Variants in SYNJ2 observed in about 807,000 individuals in gnomAD.
SYNJ2 encodes synaptojanin 2.
Under a neutral mutation model 141.3 loss-of-function variants are expected in SYNJ2, and 116 were observed. The observed-to-expected ratio is 0.82, with a 90% confidence interval of 0.71 to 0.96. The LOEUF is 0.96. SYNJ2 is among the 40% of genes least tolerant of loss of function. SYNJ2 has a pLI of 0.00. For synonymous variants in SYNJ2, 745 were observed against 777.7 expected (o/e 0.96, Z 0.70); for missense variants, 1,873 against 1,934.8 (o/e 0.97, Z 0.60).
At chr6:158,088,244 A>G (rs1783209322) in intron 23 of SYNJ2, among the ~76,000 whole-genome samples, 1 of 151,136 alleles carries the variant, frequency 6.6e-6, no homozygotes, top group African/African-American at 2.4e-5. Flanking sequence ...TCATTTATTT[A>G]TTTATTTTGT....
rs1781954257 is a variant in SYNJ2, at chr6:158,071,928, G to GGGGAGA, written c.2133+138_2133+143dup. The GGGGAGA allele has an allele frequency of 9.3e-7, 1 of 1,071,616 alleles. No individual in the cohort carries two copies. The highest frequency in any genetic ancestry group is 1.6e-5 in the African/African-American group (1 of 62,612). 66.4% of individuals were successfully genotyped at this position (1,071,616 alleles called of 1,614,324 possible). A position where few individuals can be genotyped will look rare whatever the true frequency, so the allele number is the denominator to read the frequency against. On this transcript the variant is annotated intron_variant, in intron 15 of 26. Coordinates refer to ENST00000355585, the MANE Select transcript of SYNJ2 (RefSeq NM_003898.4). This position sits in a 1 kb window ranked among gnomAD's most constrained non-coding sequence, Gnocchi z 4.3. Reference sequence around the variant, plus strand: ...CCTGGAGGGCTCAGCGCTGGGGGAGGGGGAGAGGGCTATGTCCCTCCATGG... The same window carrying GGGGAGA: ...CCTGGAGGGCTCAGCGCTGGGGGAGGGGGAGAGGGAGAGGGCTATGTCCCTCCATGG...
intron 13 of SYNJ2, 138 bp downstream of exon 13, chr6:158,068,866 C>A: frequency 2.4e-6 from 2 of 837,528 alleles, no homozygotes; most frequent in South Asian, 1.6e-5. Flanking sequence ...GTGGGGATCT[C>A]TCACCTGGCT....
In SYNJ2 at chr6:158,063,434, G is replaced by A. The variant is rs1781345154; in HGVS notation, c.1128-357G>A. ...CCAGCACTTTGGAAGGCTGAGGTGG[G>A]CGGATCACAAGGTCAGGAGTTCGAG... On this transcript the variant is annotated intron_variant, in intron 8 of 26. Transcript: ENST00000355585. 2.0e-5 allele frequency among the ~76,000 whole-genome samples: 3 copies of A among 152,076 alleles called. No homozygotes were observed. The South Asian group carries it at 6.2e-4, about 32-fold the overall frequency.
chr6:158,042,327 C>T (rs75668816), intron 4 of SYNJ2, among the ~76,000 whole-genome samples: 6,339 of 152,298 alleles, frequency 0.042, 399 homozygotes, highest in African/African-American at 0.14. Context: ...ATTCCTGTGG[C>T]CCAGGGAAAC....
intron 3 of SYNJ2, 35 bp downstream of exon 3, chr6:158,029,061 T>C: frequency 6.2e-7 from 1 of 1,607,576 alleles, no homozygotes; most frequent in Non-Finnish European, 8.5e-7. Context: ...GGGTGGGCCC[T>C]GGGTCTCCTG....
intron 12 of SYNJ2, 58 bp downstream of exon 12, chr6:158,066,693 C>T (rs1028999525): frequency 3.2e-6 from 5 of 1,572,038 alleles, no homozygotes; most frequent in Non-Finnish European, 3.5e-6. Flanking sequence ...TGACATGTCA[C>T]GCTTGACCCT....
At chr6:157,995,544 C>T (rs1451439591) in intron 1 of SYNJ2, among the ~76,000 whole-genome samples, 1 of 152,204 alleles carries the variant, frequency 6.6e-6, no homozygotes, top group Non-Finnish European at 1.5e-5. Flanking sequence ...AGAGCTAGAT[C>T]CTGAAGCATC....
At chr6:158,074,481 G>T in intron 15 of SYNJ2, 99 bp from the exon 16 acceptor site, 1 of 1,343,426 alleles carries the variant, frequency 7.4e-7, no homozygotes, top group Non-Finnish European at 1.0e-6. Context: ...AGCATTTTGA[G>T]AAAAATACTC....
At position 157,993,161 on chromosome 6, in the gene SYNJ2, G is replaced by T. The variant is rs922473496; in HGVS notation, c.127+11073G>T. Among the ~76,000 whole-genome samples the T allele has an allele frequency of 3.3e-5, 5 of 151,100 alleles. No homozygotes were observed. In the South Asian group the frequency reaches 1.1e-3, roughly 32 times the overall value. ...ACATTCCCACCAACTGTGTACAAGG[G>T]TTTCCTTTTCTCCACATCCTTGCCA... On this transcript the variant is annotated intron_variant, in intron 1 of 26. Transcript: ENST00000355585.
Position 158,076,701 on chromosome 6 carries a change from G to T in SYNJ2, c.2368G>T (p.Asp790Tyr). 6.2e-7 allele frequency: 1 copy of T among 1,614,164 alleles called. No individual in the cohort carries two copies. Among genetic ancestry groups the T allele is most frequent in the Non-Finnish European group, 8.5e-7 (1 of 1,180,042 alleles). The change falls in exon 17 of 27, where the codon GAT becomes TAT. Residue 790 changes from aspartate to tyrosine, a missense_variant. Asp to Tyr is a radical substitution (Grantham distance 160). Transcript: ENST00000355585. ...GTATGACGTTGGCTCAGCCGCCTAC[G>T]ATACAAGCGACAAATGCCGCACCCC... ...YKYDVGSAAY[D>Y]TSDKCRTPAW...
chr6:158,069,758 C>A (rs986939864), intron 14 of SYNJ2, 85 bp downstream of exon 14: 4 of 1,432,824 alleles, frequency 2.8e-6, no homozygotes, highest in African/African-American at 1.4e-5. Flanking sequence ...CCTCCTCCCC[C>A]ATCCCCTTCT....
At chr6:158,081,648 G>T (rs1171524369) in intron 20 of SYNJ2, 138 bp downstream of exon 20, 2 of 622,018 alleles carry the variant, frequency 3.2e-6, no homozygotes, top group Admixed American at 4.1e-5. Flanking sequence ...CTGAGACAAA[G>T]TCTTGCTCTG....
intron 23 of SYNJ2, among the ~76,000 whole-genome samples, chr6:158,087,998 C>G (rs1783174024): frequency 1.1e-5 from 1 of 92,300 alleles, no homozygotes. Context: ...TTAATGGCTG[C>G]AAGTATATTT....
At position 158,056,873 on chromosome 6, in the gene SYNJ2, C is replaced by T. The variant is rs139161485; in HGVS notation, c.857+1845C>T. Among the ~76,000 whole-genome samples the T allele has an allele frequency of 2.4e-3, 372 of 152,268 alleles. 1 individual carries two copies. Among genetic ancestry groups the T allele is most frequent in the African/African-American group, 8.7e-3 (360 of 41,542 alleles). On this transcript the variant is annotated intron_variant, in intron 6 of 26. Coordinates refer to ENST00000355585, the MANE Select transcript of SYNJ2 (RefSeq NM_003898.4). The stretch of plus-strand genomic sequence containing the variant: ...GCATGGGTGCCCCTGTTAGCCGAGG[C>T]GGTCTCTTGTCACTTTGCTGTATGT...
At position 158,084,109 on chromosome 6, in the gene SYNJ2, C is replaced by A. The variant is rs61743922; in HGVS notation, c.3143C>A (p.Thr1048Lys). Residue 1048 changes from threonine (T) to lysine (K), a missense_variant, in exon 22 of 27, where the codon ACA becomes AAA. Thr to Lys is a moderately conservative substitution (Grantham distance 78). Transcript: ENST00000355585. This position sits in a 1 kb window ranked among gnomAD's most constrained non-coding sequence, Gnocchi z 5.0. The stretch of plus-strand genomic sequence containing the variant: ...GACCTCTCTGATGTCCCCGGCCCCA[C>A]AGCACTGGCTCCTCCCAGCAAGTCA... ...GDDLSDVPGP[T>K]ALAPPSKSPA... The A allele has an allele frequency of 5.6e-6, 9 of 1,614,074 alleles. No homozygotes were observed. Among genetic ancestry groups the A allele is most frequent in the African/African-American group, 1.3e-5 (1 of 74,922 alleles).
At chr6:158,077,549 G>A (rs1446796338) in intron 17 of SYNJ2, 2 of 147,478 alleles carry the variant, frequency 1.4e-5, no homozygotes, top group African/African-American at 5.0e-5. Flanking sequence ...AAATAAGTTA[G>A]TTTTTAAAAA....
chr6:158,083,606 C>T lies in SYNJ2; in HGVS notation c.3034+9C>T, dbSNP rs1254152672. 3.1e-6 allele frequency: 5 copies of T among 1,614,008 alleles called. No homozygotes were observed. Among genetic ancestry groups the T allele is most frequent in the East Asian group, 2.2e-5 (1 of 44,882 alleles). ...GGACTATGAGTCAGAAGGTTAGTGA[C>T]CCTGCAGGGAGGGACAGGCAAGCCG... On this transcript the variant is annotated intron_variant, in intron 21 of 26. Transcript: ENST00000355585.
chr6:158,007,114 C>T (rs931532079), intron 1 of SYNJ2, among the ~76,000 whole-genome samples: 2 of 152,096 alleles, frequency 1.3e-5, no homozygotes, highest in Non-Finnish European at 2.9e-5. Context: ...CACAAGTGTG[C>T]ACACCTTGCC....
At chr6:158,014,455 C>T (rs945983888) in intron 1 of SYNJ2, among the ~76,000 whole-genome samples, 1 of 152,214 alleles carries the variant, frequency 6.6e-6, no homozygotes, top group Non-Finnish European at 1.5e-5. Flanking sequence ...TCTGCATTTC[C>T]TTTAGGAGTG....
Sources: gnomAD v4.1 joint callset for allele counts (sites outside exome capture counted in the v4.1 genomes callset) on GRCh38, gnomAD v4.1.1 for gene constraint, Gnocchi (gnomAD v3.1) non-coding constraint, MANE v1.5 for transcripts, NCBI Gene and HGNC (gene_info 2026-07-23, HGNC 2026-07-21) for gene names.